SGK3: variants seen among roughly 807,000 people sequenced by gnomAD.
The protein encoded by SGK3 is serum/glucocorticoid regulated kinase family member 3.
SGK3 carries 47 observed loss-of-function variants against 68.5 expected under a neutral mutation model. The observed-to-expected ratio is 0.69, with a 90% confidence interval of 0.54 to 0.87. The LOEUF is 0.87. Ranked by LOEUF, SGK3 falls within the 40% of genes least tolerant of loss-of-function variation. The probability of loss-of-function intolerance (pLI) is 0.00; values close to 1 mark genes in which losing one functional copy is unlikely to be tolerated. For missense variants in SGK3, 479 were observed against 575.5 expected, an observed-to-expected ratio of 0.83 and a Z score of 1.72; for synonymous variants, 181 against 189.1, an observed-to-expected ratio of 0.96 and a Z score of 0.35.
intron 1 of SGK3, among the ~76,000 whole-genome samples, chr8:66,737,072 C>T (rs901131482): frequency 1.3e-5 from 2 of 151,936 alleles, no homozygotes; most frequent in African/African-American, 4.8e-5. Flanking sequence ...GCCACTGTGC[C>T]CAACCAATAA....
intron 1 of SGK3, among the ~76,000 whole-genome samples, chr8:66,723,343 T>C (rs183487253): frequency 6.7e-6 from 1 of 149,852 alleles, no homozygotes; most frequent in Non-Finnish European, 1.5e-5. Context: ...ACTCAGGAGG[T>C]TGAGGCAGGA....
rs558372112 is a variant in SGK3 at position 66,810,777 on chromosome 8, T to A, written c.254-3076T>A. Among the ~76,000 whole-genome samples, 206 of 152,296 alleles carry A rather than the reference T, an allele frequency of 1.4e-3. 4 individuals carry two copies. Among genetic ancestry groups the A allele is most frequent in the South Asian group, 0.012 (58 of 4,818 alleles). ...ATTCCCTTTTTAACTTATCTCATGG[T>A]TGGTAGCCATTCTATGGGGTTTTTG... On this transcript the variant is annotated intron_variant, in intron 4 of 16. Coordinates refer to ENST00000521198, the MANE Select transcript of SGK3 (RefSeq NM_001033578.3).
intron 1 of SGK3, among the ~76,000 whole-genome samples, chr8:66,714,645 C>T (rs1397783024): frequency 6.6e-6 from 1 of 152,180 alleles, no homozygotes; most frequent in Non-Finnish European, 1.5e-5. Context: ...TAATTTATGA[C>T]ACAACAGGCA....
chr8:66,835,393 AC>A (rs1170627339), intron 8 of SGK3, among the ~76,000 whole-genome samples: 2 of 152,202 alleles, frequency 1.3e-5, no homozygotes, highest in Non-Finnish European at 2.9e-5. Context: ...TACCTAAAAA[AC>A]ATTTCCTTAT....
intron 1 of SGK3, among the ~76,000 whole-genome samples, chr8:66,735,328 TTG>T (rs1338175321): frequency 6.6e-6 from 1 of 152,220 alleles, no homozygotes; most frequent in Non-Finnish European, 1.5e-5. Flanking sequence ...TTATTGTTGA[TTG>T]TGTAAGTTTG....
At chr8:66,718,676 G>A (rs560194870) in intron 1 of SGK3, among the ~76,000 whole-genome samples, 25 of 151,886 alleles carry the variant, frequency 1.6e-4, no homozygotes, top group African/African-American at 4.3e-4. Flanking sequence ...TTACAGATGT[G>A]TGCCACCACG....
chr8:66,759,379 T>C (rs1054420312), intron 1 of SGK3, among the ~76,000 whole-genome samples: 3 of 151,492 alleles, frequency 2.0e-5, no homozygotes, highest in African/African-American at 4.8e-5. Flanking sequence ...CGTGAGCCAC[T>C]GTGCTGGGCC....
In SGK3 at chr8:66,770,187, C is replaced by T. The variant is rs1806462523; in HGVS notation, c.-121-23429C>T. ...GCCAGGATGGTCTTGATCTCGTGAC[C>T]TCGTGATCCGCCTGCCTCGGCCTCC... On this transcript the variant is annotated intron_variant, in intron 1 of 16. Transcript: ENST00000521198. 1.3e-5 allele frequency among the ~76,000 whole-genome samples: 2 copies of T among 151,642 alleles called. 1 individual carries two copies. The highest frequency in any genetic ancestry group is 4.2e-4 in the South Asian group (2 of 4,792).
intron 10 of SGK3, among the ~76,000 whole-genome samples, chr8:66,838,090 G>A (rs902036481): frequency 5.3e-5 from 8 of 151,710 alleles, no homozygotes; most frequent in South Asian, 2.1e-4. Context: ...TTATTGAGAC[G>A]GAGTCTCTCT....
At chr8:66,813,956 G>C (rs1473345467) in intron 5 of SGK3, 28 bp downstream of exon 5, 3 of 1,537,004 alleles carry the variant, frequency 2.0e-6, no homozygotes, top group Non-Finnish European at 2.6e-6. Flanking sequence ...CGTTCTAAAG[G>C]GACATTAAAA....
intron 1 of SGK3, among the ~76,000 whole-genome samples, chr8:66,738,833 T>C (rs1345626324): frequency 2.6e-5 from 4 of 152,180 alleles, no homozygotes; most frequent in African/African-American, 7.2e-5. Flanking sequence ...GGTTTCACCA[T>C]GTTAGCCAGG....
intron 5 of SGK3, among the ~76,000 whole-genome samples, chr8:66,814,877 G>A (rs1585756853): frequency 6.6e-6 from 1 of 152,160 alleles, no homozygotes; most frequent in African/African-American, 2.4e-5. Flanking sequence ...TGGTTTATGA[G>A]TATTCATTAC....
chr8:66,824,792 A>C (rs1808984418), intron 6 of SGK3, among the ~76,000 whole-genome samples: 1 of 152,228 alleles, frequency 6.6e-6, no homozygotes, highest in Non-Finnish European at 1.5e-5. Flanking sequence ...CATCAAATGA[A>C]ATCAGTATTT....
At chr8:66,793,943 A>G in intron 2 of SGK3, 111 bp downstream of exon 2, 1 of 1,082,700 alleles carries the variant, frequency 9.2e-7, no homozygotes, top group Admixed American at 2.3e-5. Context: ...CCACATACCT[A>G]GATTTTACTT....
intron 1 of SGK3, among the ~76,000 whole-genome samples, chr8:66,779,596 AT>A (rs1563623061): frequency 0.03 from 3,839 of 127,144 alleles, 170 homozygotes; most frequent in African/African-American, 0.095. Flanking sequence ...ATATATATAT[AT>A]ATATAAAACA....
intron 4 of SGK3, among the ~76,000 whole-genome samples, chr8:66,807,937 A>G (rs545136535): frequency 6.6e-6 from 1 of 152,294 alleles, no homozygotes; most frequent in African/African-American, 2.4e-5. Flanking sequence ...AAAGCTCTTT[A>G]TGTATTTTGC....
chr8:66,744,261 T>A (rs1047342258), intron 1 of SGK3, among the ~76,000 whole-genome samples: 1 of 151,946 alleles, frequency 6.6e-6, no homozygotes, highest in Non-Finnish European at 1.5e-5. Flanking sequence ...TAGTTTCCAC[T>A]GTTGCTGTTA....
At chr8:66,744,497 ATATATATATATATATATATATATTTTT>A (rs1805573721) in intron 1 of SGK3, among the ~76,000 whole-genome samples, 1 of 19,082 alleles carries the variant, frequency 5.2e-5, no homozygotes, top group Non-Finnish European at 1.0e-4. Flanking sequence ...ATATATATAT[ATATATATATATATATATATATATTTTT>A]TTTTTTTTTT....
At chr8:66,723,119 ATATATATATATATTTT>A (rs1279122790) in intron 1 of SGK3, among the ~76,000 whole-genome samples, 18 of 50,394 alleles carry the variant, frequency 3.6e-4, no homozygotes, top group Middle Eastern at 6.0e-3. Flanking sequence ...ATATATATAT[ATATATATATATATTTT>A]TTTTTTTTTT....
Sources: allele counts gnomAD v4.1 joint callset (sites outside exome capture counted in the v4.1 genomes callset), GRCh38; gene constraint gnomAD v4.1.1; transcripts MANE v1.5; gene names NCBI Gene and HGNC (gene_info 2026-07-23, HGNC 2026-07-21).